ANO1: variants seen among roughly 807,000 people sequenced by gnomAD.
The protein encoded by ANO1 is anoctamin-1.
ANO1 carries 59 observed loss-of-function variants against 124.0 expected under a neutral mutation model. The observed-to-expected ratio is 0.48, with a 90% confidence interval of 0.39 to 0.59. The LOEUF (loss-of-function observed/expected upper bound fraction) is 0.59, where lower values mean the gene tolerates loss of function less well. Among genes scored for constraint, ANO1 ranks in the 20% least tolerant of loss-of-function variants. The probability of loss-of-function intolerance (pLI) is 0.00; values close to 1 mark genes in which losing one functional copy is unlikely to be tolerated. For missense variants in ANO1, 1,059 were observed against 1,328.0 expected (o/e 0.80, Z 3.15); for synonymous variants, 529 against 532.0 (o/e 0.99, Z 0.08).
chr11:70,183,354 C>T (rs138851686), intron 24 of ANO1, among the ~76,000 whole-genome samples: 127 of 152,326 alleles, frequency 8.3e-4, no homozygotes, highest in African/African-American at 2.9e-3. Context: ...TGTGGGAAGA[C>T]CTTCTGTTTC....
At chr11:70,077,945 G>A (rs1027758014), upstream of ANO1, among the ~76,000 whole-genome samples, 2 of 152,272 alleles carry the variant, frequency 1.3e-5, no homozygotes, top group East Asian at 2.0e-4. Flanking sequence ...CTCCCCGGAG[G>A]AGGTGAGTGC....
At chr11:70,095,378 G>GAA (rs747821165) in intron 2 of ANO1, among the ~76,000 whole-genome samples, 1 of 33,138 alleles carries the variant, frequency 3.0e-5, no homozygotes, top group African/African-American at 8.4e-5. Flanking sequence ...AAGAAAGAAA[G>GAA]AAAGAAAGAA....
At chr11:70,134,593 AGAAAACCTATAC>A (rs2046881698) in intron 11 of ANO1, among the ~76,000 whole-genome samples, 1 of 152,216 alleles carries the variant, frequency 6.6e-6, no homozygotes, top group Non-Finnish European at 1.5e-5. Context: ...TGAGAACCAA[AGAAAACCTATAC>A]GAGAGTGTGC....
chr11:69,998,977 T>C (rs2120349930), intron 1 of ANO1, among the ~76,000 whole-genome samples: 1 of 149,260 alleles, frequency 6.7e-6, no homozygotes, highest in South Asian at 2.1e-4. Flanking sequence ...CTGAGCCTGG[T>C]GAGCCAAGAT....
chr11:70,179,655 C>T (rs150635849), intron 22 of ANO1, among the ~76,000 whole-genome samples: 128 of 152,314 alleles, frequency 8.4e-4, no homozygotes, highest in African/African-American at 3.0e-3. Flanking sequence ...GGAGCTGCAC[C>T]CCAATTGAAT....
At chr11:70,067,696 G>A (rs189214531) in intron 1 of ANO1, among the ~76,000 whole-genome samples, 108 of 152,274 alleles carry the variant, frequency 7.1e-4, no homozygotes, top group Non-Finnish European at 1.2e-3. Context: ...ACAGGCACCC[G>A]GTGGATGCAC....
chr11:70,054,887 T>C (rs1221358384), intron 1 of ANO1, among the ~76,000 whole-genome samples: 2 of 152,230 alleles, frequency 1.3e-5, no homozygotes, highest in East Asian at 3.8e-4. Context: ...TTTAGGGCTG[T>C]ACAATTATTT....
chr11:70,131,332 T>TGTGTGC (rs1436307308), intron 10 of ANO1, among the ~76,000 whole-genome samples: 3 of 148,314 alleles, frequency 2.0e-5, no homozygotes, highest in Non-Finnish European at 1.5e-5. Context: ...TGTGTGTGTG[T>TGTGTGC]GCGCGTCTGT....
At position 70,173,817 on chromosome 11, in the gene ANO1, G is replaced by A. The variant is rs950959035; in HGVS notation, c.2350+2778G>A. Reference sequence around the variant, plus strand: ...TGTAATCCCAGCACTTTGGGAGGCCGACGCAGGTGGATCACCTGAGGTCAG... The same window carrying A: ...TGTAATCCCAGCACTTTGGGAGGCCAACGCAGGTGGATCACCTGAGGTCAG... On this transcript the variant is annotated intron_variant, in intron 22 of 25. Transcript: ENST00000355303. Among the ~76,000 whole-genome samples, 6 of 152,284 alleles carry A rather than the reference G, an allele frequency of 3.9e-5. No homozygotes were observed. The East Asian group carries it at 5.8e-4, about 15-fold the overall frequency.
chr11:70,177,594 C>CTTTTTTTTTTTTTTTTT lies in ANO1; in HGVS notation c.2351-2403_2351-2387dup, dbSNP rs57647858. ...TCGATTTTTCTTTTCTTTTTTTTTTCTTTTTTTTTTTTTTTTTTTTTTTGA... is the reference window on the plus strand; with the variant it reads ...TCGATTTTTCTTTTCTTTTTTTTTTCTTTTTTTTTTTTTTTTTTTTTTTTTTTTTTTTTTTTTTTTGA... On this transcript the variant is annotated intron_variant, in intron 22 of 25. Coordinates refer to ENST00000355303, the MANE Select transcript of ANO1 (RefSeq NM_018043.7). Among the ~76,000 whole-genome samples the CTTTTTTTTTTTTTTTTT allele has an allele frequency of 2.6e-3, 206 of 78,930 alleles. 1 individual carries two copies. Among genetic ancestry groups the CTTTTTTTTTTTTTTTTT allele is most frequent in the Non-Finnish European group, 3.3e-3 (148 of 45,096 alleles). The allele number at this position is 78,930 out of a possible 152,430, so 51.8% of individuals were successfully genotyped here.
In ANO1 at chr11:70,155,894, C is replaced by T. The variant is rs1170392158; in HGVS notation, c.1426-17C>T. On this transcript the variant is annotated splice_polypyrimidine_tract_variant and intron_variant, in intron 14 of 25. Transcript: ENST00000355303. ...CACTTCACCGCACGGTGCTCTCTTT[C>T]CCCCACCCCCCCTCAGAAGCGCCGG... is the stretch of plus-strand genomic sequence containing the variant. 2.0e-6 allele frequency: 3 copies of T among 1,523,708 alleles called. No homozygotes were observed. The Admixed American group carries it at 6.2e-5, about 32-fold the overall frequency. 94.4% of individuals were successfully genotyped at this position (1,523,708 alleles called of 1,614,324 possible).
chr11:70,003,404 G>T (rs1040924086), intron 1 of ANO1, among the ~76,000 whole-genome samples: 1 of 152,200 alleles, frequency 6.6e-6, no homozygotes, highest in Non-Finnish European at 1.5e-5. Flanking sequence ...TTGGCAGCAT[G>T]TCGTCACCAA....
intron 22 of ANO1, among the ~76,000 whole-genome samples, chr11:70,176,139 G>GTATATA (rs371250706): frequency 2.7e-3 from 395 of 146,526 alleles, no homozygotes; most frequent in South Asian, 7.1e-3. Flanking sequence ...CAGATTATGG[G>GTATATA]TATATATATA....
At chr11:70,094,980 G>A (rs537573166) in intron 2 of ANO1, among the ~76,000 whole-genome samples, 3 of 152,204 alleles carry the variant, frequency 2.0e-5, no homozygotes, top group African/African-American at 7.2e-5. Context: ...GCTGAGGCAG[G>A]AGGATCACCT....
At chr11:70,144,070 G>C (rs1363892560) in intron 11 of ANO1, among the ~76,000 whole-genome samples, 1 of 152,078 alleles carries the variant, frequency 6.6e-6, no homozygotes, top group Non-Finnish European at 1.5e-5. Context: ...TCAGATTTCA[G>C]GGGGGCTGGG....
intron 14 of ANO1, among the ~76,000 whole-genome samples, chr11:70,155,690 C>T (rs1215097858): frequency 6.6e-6 from 1 of 152,224 alleles, no homozygotes; most frequent in Non-Finnish European, 1.5e-5. Flanking sequence ...CTCCCGTCTC[C>T]ACCACCTTTG....
intron 8 of ANO1, among the ~76,000 whole-genome samples, chr11:70,116,896 G>A (rs1408281661): frequency 6.6e-6 from 1 of 152,052 alleles, no homozygotes; most frequent in East Asian, 1.9e-4. Flanking sequence ...AAATAAACTT[G>A]GGAACCACTG....
chr11:70,163,169 C>A (rs941063912), intron 18 of ANO1, 114 bp from the exon 19 acceptor site: 1 of 1,096,024 alleles, frequency 9.1e-7, no homozygotes, highest in Non-Finnish European at 1.3e-6. Flanking sequence ...CCTGTAGATA[C>A]CCTCGAGGCT....
intron 1 of ANO1, among the ~76,000 whole-genome samples, chr11:70,047,080 C>CAAAAAAAAAAAAAAA (rs10660510): frequency 1.4e-5 from 1 of 73,874 alleles, no homozygotes; most frequent in African/African-American, 4.1e-5. Flanking sequence ...GACTCTGTCT[C>CAAAAAAAAAAAAAAA]AAAAAAAAAA....
Sources: allele counts gnomAD v4.1 joint callset (sites outside exome capture counted in the v4.1 genomes callset), GRCh38; gene constraint gnomAD v4.1.1; transcripts MANE v1.5; gene names NCBI Gene and HGNC (gene_info 2026-07-23, HGNC 2026-07-21).